The following KCNH5 variants were observed in gnomAD, a reference collection of about 807,000 sequenced individuals.
The protein encoded by KCNH5 is voltage-gated delayed rectifier potassium channel KCNH5.
KCNH5 carries 46 observed loss-of-function variants against 96.1 expected under a neutral mutation model. The ratio of observed to expected loss-of-function variants is 0.48; its 90% CI spans 0.38 to 0.61. The LOEUF is 0.61. Among genes scored for constraint, KCNH5 ranks in the 20% least tolerant of loss-of-function variants. KCNH5 has a pLI of 0.00. For missense variants in KCNH5, 907 were observed against 1,225.8 expected (o/e 0.74, Z 3.88); for synonymous variants, 439 against 449.8 (o/e 0.98, Z 0.30).
intron 7 of KCNH5, among the ~76,000 whole-genome samples, chr14:62,854,326 T>C (rs1361272453): frequency 6.6e-6 from 1 of 152,164 alleles, no homozygotes; most frequent in Non-Finnish European, 1.5e-5. Context: ...TTCCTGTAAA[T>C]TCACACACCA....
At chr14:62,910,564 A>C (rs949454634) in intron 7 of KCNH5, among the ~76,000 whole-genome samples, 1 of 152,242 alleles carries the variant, frequency 6.6e-6, no homozygotes, top group Non-Finnish European at 1.5e-5. Context: ...CAGCAATAAC[A>C]AATTGAAAAG....
At chr14:62,814,064 T>C (rs1391023618) in intron 8 of KCNH5, among the ~76,000 whole-genome samples, 2 of 152,168 alleles carry the variant, frequency 1.3e-5, no homozygotes, top group South Asian at 2.1e-4. Context: ...TAAAAGGTCA[T>C]ATTTAGCAAT....
At chr14:62,829,812 TG>T (rs1887305800) in intron 8 of KCNH5, among the ~76,000 whole-genome samples, 1 of 152,214 alleles carries the variant, frequency 6.6e-6, no homozygotes, top group East Asian at 1.9e-4. Context: ...CCTGAAGGCT[TG>T]AATTTCCTCC....
chr14:62,824,276 A>G (rs1459507453), intron 8 of KCNH5, among the ~76,000 whole-genome samples: 2 of 152,046 alleles, frequency 1.3e-5, no homozygotes, highest in African/African-American at 4.8e-5. Context: ...GACATGAGCA[A>G]GAGTCTGAAT....
chr14:62,884,720 A>G (rs1171933792), intron 7 of KCNH5, among the ~76,000 whole-genome samples: 1 of 152,244 alleles, frequency 6.6e-6, no homozygotes, highest in Non-Finnish European at 1.5e-5. Flanking sequence ...CAGCTGTTAA[A>G]AAAAGAAGGC....
intron 7 of KCNH5, among the ~76,000 whole-genome samples, chr14:62,918,603 T>A (rs191814599): frequency 2.3e-3 from 355 of 152,192 alleles, no homozygotes; most frequent in Non-Finnish European, 3.6e-3. Flanking sequence ...AACATACAAA[T>A]GGTCAATAAA....
chr14:62,751,170 C>T (rs956710251), intron 10 of KCNH5, among the ~76,000 whole-genome samples: 9 of 152,162 alleles, frequency 5.9e-5, no homozygotes, highest in African/African-American at 2.2e-4. Context: ...CCAAAAGATA[C>T]TACTGTCTGC....
intron 10 of KCNH5, among the ~76,000 whole-genome samples, chr14:62,727,723 G>A (rs1050202487): frequency 6.6e-6 from 1 of 150,740 alleles, no homozygotes; most frequent in Non-Finnish European, 1.5e-5. Context: ...GCAGGGCTGT[G>A]GGTGCTGAGA....
chr14:62,988,279 T>C (rs1890747342), intron 4 of KCNH5, among the ~76,000 whole-genome samples: 2 of 152,048 alleles, frequency 1.3e-5, no homozygotes, highest in Non-Finnish European at 2.9e-5. Context: ...TTCTACACAA[T>C]TACCCTTCAT....
In KCNH5 at chr14:62,702,450, G is replaced by A. The variant is rs1282143921; in HGVS notation, c.*5058C>T. The A allele has an allele frequency of 6.6e-6, 1 of 151,882 alleles. No homozygotes were observed. Among genetic ancestry groups the A allele is most frequent in the African/African-American group, 2.4e-5 (1 of 41,404 alleles). The allele number at this position is 151,882 out of a possible 1,614,324, so 9.4% of individuals were successfully genotyped here. A position where few individuals can be genotyped will look rare whatever the true frequency, so the allele number is the denominator to read the frequency against. ...TAATGTCAGTATTCTACAAAATAAA[G>A]GTTTCTCCCTAAGGTCTGACTGCCT... is the stretch of plus-strand genomic sequence containing the variant. On this transcript the variant is annotated 3_prime_UTR_variant, in exon 11 of 11. Transcript: ENST00000322893.
chr14:62,778,999 A>G (rs1886153477), intron 10 of KCNH5, among the ~76,000 whole-genome samples: 1 of 152,226 alleles, frequency 6.6e-6, no homozygotes, highest in African/African-American at 2.4e-5. Context: ...ATTTCAAAAT[A>G]CTTCACCACA....
chr14:62,778,005 A>C (rs1886134362), intron 10 of KCNH5, among the ~76,000 whole-genome samples: 1 of 152,158 alleles, frequency 6.6e-6, no homozygotes, highest in South Asian at 2.1e-4. Context: ...GAGTATTCTC[A>C]TGTGATTTGA....
At chr14:62,834,497 C>T (rs1405146789) in intron 8 of KCNH5, among the ~76,000 whole-genome samples, 1 of 151,954 alleles carries the variant, frequency 6.6e-6, no homozygotes, top group Admixed American at 6.6e-5. Flanking sequence ...TATAAGTGAA[C>T]TTCTGTATCA....
chr14:62,748,184 G>C (rs1885419533), intron 10 of KCNH5, among the ~76,000 whole-genome samples: 1 of 152,170 alleles, frequency 6.6e-6, no homozygotes, highest in Admixed American at 6.5e-5. Flanking sequence ...CATAGACAGA[G>C]TAGGACGTTC....
chr14:62,898,595 CTA>C (rs1334758916), intron 7 of KCNH5, among the ~76,000 whole-genome samples: 3 of 151,936 alleles, frequency 2.0e-5, no homozygotes, highest in South Asian at 2.1e-4. Context: ...AAAAATATAA[CTA>C]TGTACTGTTT....
chr14:62,981,150 A>C lies in KCNH5; in HGVS notation c.664T>G (p.Leu222Val). The C allele has an allele frequency of 6.2e-7, 1 of 1,614,194 alleles. No individual in the cohort carries two copies. The highest frequency in any genetic ancestry group is 1.3e-5 in the African/African-American group (1 of 75,064). ...ATGGCGGTGTAGAAGGTAAGAATTA[A>C]AATCACCCAATCCCAAGTAGTTTTA... ...AFKTTWDWVI[L>V]ILTFYTAIMV... The change falls in exon 6 of 11, where the codon TTA (leucine) becomes GTA (valine). Residue 222 changes from leucine (L) to valine (V), a missense_variant. Leu to Val is a conservative substitution (Grantham distance 32). This residue lies in a region of KCNH5 where 370 missense variants were observed against 561.3 expected (regional missense o/e 0.66). Transcript: ENST00000322893.
chr14:62,931,900 G>A (rs1889587996), intron 7 of KCNH5, among the ~76,000 whole-genome samples: 1 of 152,264 alleles, frequency 6.6e-6, no homozygotes, highest in Non-Finnish European at 1.5e-5. Context: ...CAGGGGTTAT[G>A]TGAAAGCTTA....
intron 9 of KCNH5, among the ~76,000 whole-genome samples, chr14:62,800,702 A>G (rs1260156387): frequency 6.6e-6 from 1 of 152,198 alleles, no homozygotes; most frequent in African/African-American, 2.4e-5. Context: ...CTTTAAGCAA[A>G]CAAGAATAGT....
intron 9 of KCNH5, among the ~76,000 whole-genome samples, chr14:62,800,915 A>G (rs776144304): frequency 2.0e-5 from 3 of 151,980 alleles, no homozygotes; most frequent in Non-Finnish European, 4.4e-5. Flanking sequence ...GTTGACTCTA[A>G]AATGTCGTAT....
Sources: allele counts gnomAD v4.1 joint callset (sites outside exome capture counted in the v4.1 genomes callset), GRCh38; gene constraint gnomAD v4.1.1; regional missense constraint gnomAD v4.1.1; transcripts MANE v1.5; gene names NCBI Gene and HGNC (gene_info 2026-07-23, HGNC 2026-07-21).